Variants in PCDHA9 observed in about 807,000 individuals in gnomAD.
The protein encoded by PCDHA9 is protocadherin alpha-9.
A neutral mutation model predicts 62.0 loss-of-function variants in PCDHA9; 62 were observed. The observed-to-expected ratio is 1.00, with a 90% CI of 0.81 to 1.23. The LOEUF (loss-of-function observed/expected upper bound fraction) is 1.23. Among genes scored for constraint, PCDHA9 ranks in the 50% most tolerant of loss-of-function variants. The probability of loss-of-function intolerance (pLI) is 0.00; values close to 1 mark genes in which losing one functional copy is unlikely to be tolerated. For missense variants in PCDHA9, 1,205 were observed against 1,249.8 expected (o/e 0.96, Z 0.54); for synonymous variants, 557 against 567.6 (o/e 0.98, Z 0.27).
rs976104418 is a variant in PCDHA9 at position 140,967,290 on chromosome 5, C to G, written c.2395-11659C>G. The G allele has an allele frequency of 3.1e-6, 5 of 1,612,712 alleles. No individual in the cohort carries two copies. In the African/African-American group the frequency reaches 5.3e-5, roughly 17 times the overall value. ...TTTCACATAGAGAGTGCGCAGGACC[C>G]CGACGTGGGCGCCAACTCAGTACAG... On this transcript the variant is annotated intron_variant, in intron 1 of 3. Coordinates refer to ENST00000532602, the MANE Select transcript of PCDHA9 (RefSeq NM_031857.2).
intron 1 of PCDHA9, chr5:140,858,758 A>G (rs1474709962): frequency 4.4e-6 from 2 of 458,304 alleles, no homozygotes; most frequent in Non-Finnish European, 7.8e-6. Flanking sequence ...TTCGTTACAA[A>G]TATTTGTGAG....
Position 140,856,334 on chromosome 5 carries a change from G to C in PCDHA9, c.2394+5445G>C, listed in dbSNP as rs1262477114. 11 of 1,598,498 alleles carry C rather than the reference G, an allele frequency of 6.9e-6. 1 individual carries two copies. The Admixed American group carries it at 1.3e-4, about 20-fold the overall frequency. On this transcript the variant is annotated intron_variant, in intron 1 of 3. Coordinates refer to ENST00000532602, the MANE Select transcript of PCDHA9 (RefSeq NM_031857.2). ...TCGGATTGACCGCGAGGAGCTGTGC[G>C]GGCGGAGCGTGGAGTGCAGCATCCA...
intron 1 of PCDHA9, chr5:140,969,419 T>C: frequency 6.4e-7 from 1 of 1,563,564 alleles, no homozygotes; most frequent in Non-Finnish European, 8.7e-7. Flanking sequence ...ATTGAGTCAT[T>C]AACAGTGACA....
intron 1 of PCDHA9, chr5:140,966,476 C>T (rs1326063829): frequency 1.8e-5 from 8 of 432,854 alleles, no homozygotes; most frequent in Non-Finnish European, 2.8e-5. Flanking sequence ...CTTCTGTTTC[C>T]TTTTCCCTCC....
intron 1 of PCDHA9, chr5:140,869,810 A>G: frequency 6.2e-7 from 1 of 1,612,624 alleles, no homozygotes; most frequent in South Asian, 1.1e-5. Context: ...TTGGATGTCA[A>G]CGACAATGAT....
intron 1 of PCDHA9, among the ~76,000 whole-genome samples, chr5:140,935,536 G>C (rs2090424655): frequency 6.6e-6 from 1 of 152,104 alleles, no homozygotes; most frequent in Non-Finnish European, 1.5e-5. Context: ...TCAAATTATT[G>C]TGTTTTAAAG....
At chr5:140,932,880 AT>A (rs1219080024) in intron 1 of PCDHA9, among the ~76,000 whole-genome samples, 2 of 151,952 alleles carry the variant, frequency 1.3e-5, no homozygotes, top group Non-Finnish European at 2.9e-5. Context: ...TGTCTTCAAT[AT>A]TTTCAGTTAG....
At chr5:140,902,914 G>A (rs560076660) in intron 1 of PCDHA9, among the ~76,000 whole-genome samples, 14 of 152,306 alleles carry the variant, frequency 9.2e-5, no homozygotes, top group African/African-American at 2.9e-4. Context: ...TGGCTGAGTA[G>A]TATTGCATGG....
chr5:140,996,478 A>C (rs1241472780), intron 3 of PCDHA9, among the ~76,000 whole-genome samples: 1 of 152,214 alleles, frequency 6.6e-6, no homozygotes, highest in East Asian at 1.9e-4. Flanking sequence ...AGTAGTGCTC[A>C]GGCCTGGGCA....
At chr5:140,926,441 A>T (rs1476576189) in intron 1 of PCDHA9, 1 of 154,800 alleles carries the variant, frequency 6.5e-6, no homozygotes, top group Non-Finnish European at 1.4e-5. Context: ...AGATCTGGGC[A>T]GCCTCAGGGC....
At chr5:140,851,995 T>C in intron 1 of PCDHA9, 2 of 976,422 alleles carry the variant, frequency 2.0e-6, no homozygotes, top group South Asian at 4.8e-5. Context: ...GCTATTTGTT[T>C]GTTTTCTAAT....
chr5:140,892,874 C>T (rs1157291129), intron 1 of PCDHA9, among the ~76,000 whole-genome samples: 2 of 152,148 alleles, frequency 1.3e-5, no homozygotes, highest in Non-Finnish European at 2.9e-5. Flanking sequence ...GCTATAATTT[C>T]GTATCCATTA....
chr5:140,907,034 C>G (rs1554192846), intron 1 of PCDHA9, among the ~76,000 whole-genome samples: 1 of 152,142 alleles, frequency 6.6e-6, no homozygotes, highest in Admixed American at 6.5e-5. Context: ...AACATAATGT[C>G]ACAGGGACAG....
intron 3 of PCDHA9, among the ~76,000 whole-genome samples, chr5:140,985,060 C>A (rs1377386395): frequency 6.6e-6 from 1 of 152,066 alleles, no homozygotes; most frequent in Admixed American, 6.5e-5. Flanking sequence ...GCCTCAGCCT[C>A]CTGAGTAGCT....
chr5:140,935,894 C>CTTTT (rs55841305), intron 1 of PCDHA9, among the ~76,000 whole-genome samples: 9 of 136,750 alleles, frequency 6.6e-5, no homozygotes, highest in South Asian at 2.3e-4. Flanking sequence ...TCAATATTAT[C>CTTTT]TTTTTTTTTT....
At chr5:140,926,494 C>T (rs565938693) in intron 1 of PCDHA9, 46 of 181,758 alleles carry the variant, frequency 2.5e-4, no homozygotes, top group African/African-American at 1.0e-3. Flanking sequence ...GTGTTAGTGT[C>T]TCGGGGCGTC....
intron 1 of PCDHA9, chr5:140,929,002 T>C (rs1584608620): frequency 6.2e-7 from 1 of 1,614,048 alleles, no homozygotes; most frequent in Non-Finnish European, 8.5e-7. Flanking sequence ...TTTCTTCGTG[T>C]GTACCAAGTT....
chr5:140,884,276 G>A (rs2060082773), intron 1 of PCDHA9: 4 of 1,613,638 alleles, frequency 2.5e-6, no homozygotes, highest in East Asian at 2.2e-5. Flanking sequence ...GTTGTCGCTG[G>A]TGGAGAGCGG....
chr5:140,993,462 T>TCACACACACACACA (rs3836747), intron 3 of PCDHA9, among the ~76,000 whole-genome samples: 3 of 140,938 alleles, frequency 2.1e-5, no homozygotes, highest in African/African-American at 5.3e-5. Flanking sequence ...TCTTTCTTTC[T>TCACACACACACACA]CACACACACA....
Sources: gnomAD v4.1 joint callset for allele counts (sites outside exome capture counted in the v4.1 genomes callset) on GRCh38, gnomAD v4.1.1 for gene constraint, MANE v1.5 for transcripts, NCBI Gene and HGNC (gene_info 2026-07-23, HGNC 2026-07-21) for gene names.